ENPEP: variants seen among roughly 807,000 people sequenced by gnomAD.
ENPEP encodes the protein AP-A.
Under a neutral mutation model 114.5 loss-of-function variants are expected in ENPEP, and 103 were observed. The ratio of observed to expected loss-of-function variants is 0.90; its 90% CI spans 0.77 to 1.06. ENPEP has a LOEUF of 1.06. ENPEP is among the 50% of genes least tolerant of loss of function. The pLI is 0.00. For missense variants in ENPEP, 1,196 were observed against 1,161.3 expected (o/e 1.03, Z -0.43); for synonymous variants, 420 against 422.0 (o/e 1.00, Z 0.06).
chr4:110,509,905 C>T, intron 5 of ENPEP, 98 bp downstream of exon 5: 2 of 1,420,574 alleles, frequency 1.4e-6, no homozygotes, highest in Non-Finnish European at 1.9e-6. Context: ...TAAAAAATAG[C>T]CAACTCAGAA....
intron 18 of ENPEP, among the ~76,000 whole-genome samples, chr4:110,554,568 T>G (rs1406528859): frequency 6.6e-6 from 1 of 152,044 alleles, no homozygotes; most frequent in Non-Finnish European, 1.5e-5. Context: ...TGCACGCACA[T>G]ATGTGCATTG....
At chr4:110,561,283 C>T in intron 19 of ENPEP, 123 bp from the exon 20 acceptor site, 1 of 966,088 alleles carries the variant, frequency 1.0e-6, no homozygotes, top group Non-Finnish European at 1.6e-6. Flanking sequence ...AGGTGTAGCT[C>T]AACGTTGTGC....
intron 11 of ENPEP, among the ~76,000 whole-genome samples, chr4:110,536,352 G>A (rs1194181780): frequency 2.0e-5 from 3 of 152,134 alleles, no homozygotes; most frequent in Non-Finnish European, 4.4e-5. Context: ...TAATGACTTG[G>A]AAATCCTGTC....
intron 10 of ENPEP, among the ~76,000 whole-genome samples, chr4:110,525,602 TTGTAAGATCAATTATCTTGTAGCAA>T (rs1726166128): frequency 6.6e-6 from 1 of 152,246 alleles, no homozygotes; most frequent in African/African-American, 2.4e-5. Context: ...ATATAAATTA[TTGTAAGATCAATTATCTTGTAGCAA>T]TTAGAATAAC....
chr4:110,519,181 A>T (rs1436025988), intron 8 of ENPEP: 3 of 448,538 alleles, frequency 6.7e-6, no homozygotes, highest in South Asian at 4.8e-5. Flanking sequence ...AGTCCTTCTA[A>T]TACTGTTTTA....
At position 110,547,182 on chromosome 4, in the gene ENPEP, C is replaced by T. The variant is rs1297458178; in HGVS notation, c.2001-994C>T. Reference sequence around the variant, plus strand: ...AGAATGCTCTCATATGACCTTTGTCCTCTTCTTCATTTTATTTGGTGGAAA... The same window carrying T: ...AGAATGCTCTCATATGACCTTTGTCTTCTTCTTCATTTTATTTGGTGGAAA... On this transcript the variant is annotated intron_variant, in intron 13 of 19. Transcript: ENST00000265162. Among the ~76,000 whole-genome samples the T allele has an allele frequency of 2.0e-5, 3 of 152,186 alleles. No homozygotes were observed. In the East Asian group the frequency reaches 5.8e-4, roughly 29 times the overall value.
chr4:110,562,898 GCTTTAA>G lies in ENPEP; in HGVS notation c.*1346_*1351del, dbSNP rs1727724099. ...TGAAGCATATGGAAACAAAACCTTA[GCTTTAA>G]CTTTATTTATACAATAATGTGCCCT... On this transcript the variant is annotated 3_prime_UTR_variant, in exon 20 of 20. Transcript: ENST00000265162. 1.3e-5 allele frequency: 2 copies of G among 152,050 alleles called. No homozygotes were observed. The allele number at this position is 152,050 out of a possible 1,614,324, so 9.4% of individuals were successfully genotyped here.
chr4:110,558,270 T>TTATATATATATATATATA (rs5861011), intron 18 of ENPEP, among the ~76,000 whole-genome samples: 15 of 141,692 alleles, frequency 1.1e-4, no homozygotes, highest in African/African-American at 3.1e-4. Context: ...TTTATAAAAA[T>TTATATATATATATATATA]TATATATATA....
At chr4:110,530,024 C>T (rs758040802) in intron 10 of ENPEP, among the ~76,000 whole-genome samples, 8 of 151,794 alleles carry the variant, frequency 5.3e-5, no homozygotes, top group Non-Finnish European at 8.8e-5. Flanking sequence ...TGCAGTGAGC[C>T]GAGTCCGTGC....
chr4:110,514,427 CT>C (rs1264613136), intron 7 of ENPEP, among the ~76,000 whole-genome samples: 1 of 151,908 alleles, frequency 6.6e-6, no homozygotes, highest in Non-Finnish European at 1.5e-5. Context: ...TATGTTCAGC[CT>C]TCTTGTATTC....
At chr4:110,544,991 T>A (rs1271101182) in intron 13 of ENPEP, among the ~76,000 whole-genome samples, 1 of 152,098 alleles carries the variant, frequency 6.6e-6, no homozygotes, top group Non-Finnish European at 1.5e-5. Context: ...AATGAGGTTC[T>A]GCAGCACATG....
Position 110,559,630 on chromosome 4 carries a change from T to G in ENPEP, c.2643-17T>G. The G allele has an allele frequency of 1.3e-6, 2 of 1,579,152 alleles. No homozygotes were observed. Among genetic ancestry groups the G allele is most frequent in the South Asian group, 2.2e-5 (2 of 89,356 alleles). On this transcript the variant is annotated splice_polypyrimidine_tract_variant and intron_variant, in intron 18 of 19. Coordinates refer to ENST00000265162, the MANE Select transcript of ENPEP (RefSeq NM_001977.4). ...TCTGAGCACTTACACTTCCTTTTAC[T>G]CTAAATTTCTCTCCAGATATACACT...
chr4:110,555,301 A>G (rs963280692), intron 18 of ENPEP, among the ~76,000 whole-genome samples: 1 of 152,032 alleles, frequency 6.6e-6, no homozygotes, highest in Non-Finnish European at 1.5e-5. Flanking sequence ...GAACTTCCCT[A>G]TGAAAATTGG....
intron 10 of ENPEP, among the ~76,000 whole-genome samples, chr4:110,528,988 G>A (rs28608804): frequency 0.035 from 5,383 of 152,230 alleles, 303 homozygotes; most frequent in African/African-American, 0.12. Flanking sequence ...ATTAGATCAT[G>A]TGATTCTAAA....
At chr4:110,519,273 G>A (rs1262922580) in intron 8 of ENPEP, 1 of 312,852 alleles carries the variant, frequency 3.2e-6, no homozygotes, top group Non-Finnish European at 6.5e-6. Context: ...GCAACTTAGA[G>A]TGAAAATGAT....
At chr4:110,529,919 C>CAA (rs35782762) in intron 10 of ENPEP, among the ~76,000 whole-genome samples, 3 of 151,778 alleles carry the variant, frequency 2.0e-5, no homozygotes, top group East Asian at 3.9e-4. Flanking sequence ...ACTAAAAATA[C>CAA]AAAAAAATTG....
At chr4:110,540,294 T>C (rs1726802844) in intron 11 of ENPEP, among the ~76,000 whole-genome samples, 1 of 151,424 alleles carries the variant, frequency 6.6e-6, no homozygotes, top group African/African-American at 2.4e-5. Flanking sequence ...ATATAGAAGA[T>C]ACACACACAC....
chr4:110,511,444 C>T (rs59813490), intron 6 of ENPEP, among the ~76,000 whole-genome samples: 19,979 of 151,946 alleles, frequency 0.13, 1,406 homozygotes, highest in Middle Eastern at 0.29. Flanking sequence ...CCAGCTGTCT[C>T]GTGGGGGACA....
chr4:110,513,640 G>A, intron 7 of ENPEP, 91 bp downstream of exon 7: 3 of 1,491,210 alleles, frequency 2.0e-6, no homozygotes, highest in Non-Finnish European at 2.7e-6. Flanking sequence ...TGGTCACACT[G>A]TGCCAGTGAG....
Sources: gnomAD v4.1 joint callset for allele counts (sites outside exome capture counted in the v4.1 genomes callset) on GRCh38, gnomAD v4.1.1 for gene constraint, MANE v1.5 for transcripts, NCBI Gene and HGNC (gene_info 2026-07-23, HGNC 2026-07-21) for gene names.